Variants in MYO10 observed in about 807,000 individuals in gnomAD.
The protein encoded by MYO10 is myosin X.
MYO10 carries 133 observed loss-of-function variants against 257.3 expected under a neutral mutation model. That is an observed-to-expected ratio of 0.52 (90% CI 0.45 to 0.60). MYO10 has a LOEUF of 0.60. Among genes scored for constraint, MYO10 ranks in the 20% least tolerant of loss-of-function variants. The probability of loss-of-function intolerance (pLI) is 0.00; values close to 1 mark genes in which losing one functional copy is unlikely to be tolerated. For missense variants in MYO10, 2,399 were observed against 2,635.7 expected, an observed-to-expected ratio of 0.91 and a Z score of 1.97; for synonymous variants, 1,104 against 1,028.6, an observed-to-expected ratio of 1.07 and a Z score of -1.40.
At chr5:16,679,161 G>A (rs1004898388) in intron 33 of MYO10, among the ~76,000 whole-genome samples, 3 of 152,222 alleles carry the variant, frequency 2.0e-5, no homozygotes, top group South Asian at 2.1e-4. Context: ...GGGATGCCAA[G>A]TGTTCTTCTA....
chr5:16,867,522 G>C (rs76548441), intron 2 of MYO10, among the ~76,000 whole-genome samples: 2,856 of 152,286 alleles, frequency 0.019, 47 homozygotes, highest in South Asian at 0.036. Flanking sequence ...AGGGTGGAAA[G>C]TGTGTGAAAA....
chr5:16,930,229 T>C (rs1233988247), intron 1 of MYO10, among the ~76,000 whole-genome samples: 2 of 152,044 alleles, frequency 1.3e-5, no homozygotes, highest in African/African-American at 2.4e-5. Context: ...CTAGACCTGT[T>C]AGAGACGGTT....
At chr5:16,763,613 CT>C in intron 13 of MYO10, 41 bp downstream of exon 13, 1 of 1,578,444 alleles carries the variant, frequency 6.3e-7, no homozygotes, top group Non-Finnish European at 8.7e-7. Context: ...CTAGTTGCTG[CT>C]TTAAAAAAAA....
chr5:16,797,246 G>C (rs895989165), intron 3 of MYO10, among the ~76,000 whole-genome samples: 9 of 152,234 alleles, frequency 5.9e-5, no homozygotes, highest in Non-Finnish European at 1.0e-4. Flanking sequence ...GTTCATGGGG[G>C]CATTTCAGAT....
chr5:16,920,499 T>TG (rs1358253226), intron 1 of MYO10, among the ~76,000 whole-genome samples: 1 of 152,034 alleles, frequency 6.6e-6, no homozygotes, highest in African/African-American at 2.4e-5. Context: ...AAGTAGGTGC[T>TG]GGGGGTTAGA....
chr5:16,910,953 AAAT>A (rs1160014734), intron 1 of MYO10, among the ~76,000 whole-genome samples: 4 of 151,960 alleles, frequency 2.6e-5, no homozygotes, highest in African/African-American at 9.7e-5. Flanking sequence ...CACAGCTCTT[AAAT>A]AAAAAAAAAG....
chr5:16,734,490 C>G (rs1739710405), intron 19 of MYO10, among the ~76,000 whole-genome samples: 1 of 152,114 alleles, frequency 6.6e-6, no homozygotes, highest in Non-Finnish European at 1.5e-5. Context: ...ACACAGTGAA[C>G]ACCAGAGTTC....
chr5:16,711,378 G>C (rs1404254574), intron 19 of MYO10, 133 bp from the exon 20 acceptor site: 6 of 953,376 alleles, frequency 6.3e-6, no homozygotes, highest in Non-Finnish European at 6.2e-6. Context: ...AACCTACACA[G>C]AAATAGAGAC....
intron 2 of MYO10, among the ~76,000 whole-genome samples, chr5:16,826,114 C>G (rs1162160191): frequency 2.6e-5 from 4 of 151,902 alleles, no homozygotes; most frequent in Middle Eastern, 3.2e-3. Flanking sequence ...CACCACTGCA[C>G]TCCAGCCTGG....
intron 19 of MYO10, among the ~76,000 whole-genome samples, chr5:16,733,922 G>T (rs1739687112): frequency 6.6e-6 from 1 of 152,110 alleles, no homozygotes. Context: ...GACTCGAACT[G>T]CTTAATTGTT....
chr5:16,737,513 G>A, intron 19 of MYO10, among the ~76,000 whole-genome samples: 1 of 152,170 alleles, frequency 6.6e-6, no homozygotes, highest in East Asian at 1.9e-4. Flanking sequence ...CAGAAAGTGT[G>A]AAACGATACA....
At chr5:16,822,815 G>A (rs541395772) in intron 2 of MYO10, among the ~76,000 whole-genome samples, 9 of 151,736 alleles carry the variant, frequency 5.9e-5, no homozygotes, top group Non-Finnish European at 1.0e-4. Context: ...AGCCTCCCGC[G>A]TAGCTGGGAC....
intron 10 of MYO10, among the ~76,000 whole-genome samples, chr5:16,768,292 GACACTGT>G (rs1421513485): frequency 6.6e-6 from 1 of 152,150 alleles, no homozygotes; most frequent in Non-Finnish European, 1.5e-5. Flanking sequence ...AAATCTCTGA[GACACTGT>G]ACAGGTGAGA....
At chr5:16,681,602 A>G (rs1737004823) in intron 31 of MYO10, 99 bp from the exon 32 acceptor site, 4 of 1,293,100 alleles carry the variant, frequency 3.1e-6, no homozygotes, top group Admixed American at 2.3e-5. Flanking sequence ...TGGGGTTTCT[A>G]GCTGTTTGCC....
At chr5:16,694,742 G>C in intron 26 of MYO10, 128 bp from the exon 27 acceptor site, 3 of 1,244,548 alleles carry the variant, frequency 2.4e-6, no homozygotes, top group Non-Finnish European at 3.4e-6. Context: ...GCACCGCAGA[G>C]ACCCCTCAGT....
chr5:16,803,750 GA>G (rs1425793783), intron 3 of MYO10, among the ~76,000 whole-genome samples: 2 of 152,100 alleles, frequency 1.3e-5, no homozygotes, highest in African/African-American at 4.8e-5. Flanking sequence ...CTGGTACAAA[GA>G]AAGAACCTGA....
chr5:16,895,088 T>C (rs1245652701), intron 1 of MYO10, among the ~76,000 whole-genome samples: 1 of 152,220 alleles, frequency 6.6e-6, no homozygotes, highest in Non-Finnish European at 1.5e-5. Context: ...CCCTTACCAA[T>C]AAAATGTGGG....
chr5:16,815,265 T>G (rs1742569724), intron 3 of MYO10: 3 of 530,050 alleles, frequency 5.7e-6, no homozygotes, highest in Non-Finnish European at 9.9e-6. Context: ...CACAAAGTGT[T>G]GTGGATTTCA....
At chr5:16,881,233 C>T (rs1249008911) in intron 1 of MYO10, among the ~76,000 whole-genome samples, 1 of 152,206 alleles carries the variant, frequency 6.6e-6, no homozygotes, top group Non-Finnish European at 1.5e-5. Flanking sequence ...GATTATGCAA[C>T]ATTATCAAAT....
Sources: allele counts gnomAD v4.1 joint callset (sites outside exome capture counted in the v4.1 genomes callset), GRCh38; gene constraint gnomAD v4.1.1; transcripts MANE v1.5; gene names NCBI Gene and HGNC (gene_info 2026-07-23, HGNC 2026-07-21).